The following DMD variants were observed in gnomAD, a reference collection of about 807,000 sequenced individuals.
DMD encodes mutant dystrophin.
A neutral mutation model predicts 330.1 loss-of-function variants in DMD; 63 were observed. The observed-to-expected ratio is 0.19, with a 90% CI of 0.16 to 0.24. The LOEUF is 0.24. Among genes scored for constraint, DMD ranks in the 10% least tolerant of loss-of-function variants. The pLI, the probability that DMD is intolerant of heterozygous loss-of-function variation, is 1.00. For missense variants in DMD, 3,344 were observed against 2,684.1 expected (o/e 1.25, Z -5.43); for synonymous variants, 1,223 against 959.8 (o/e 1.27, Z -5.07).
At chrX:32,646,012 G>C (rs2059760727) in intron 9 of DMD, among the ~76,000 whole-genome samples, 2 of 111,701 alleles carry the variant, frequency 1.8e-5, no homozygotes, top group Admixed American at 1.9e-4. Flanking sequence ...GTAAGAGCAA[G>C]CAAGGAGGTC....
At chrX:31,492,326 T>C (rs779298544) in intron 57 of DMD, among the ~76,000 whole-genome samples, 1 of 112,140 alleles carries the variant, frequency 8.9e-6, no homozygotes, top group South Asian at 3.7e-4. Flanking sequence ...GTTTCAAGGA[T>C]TTTCCATTGT....
intron 43 of DMD, among the ~76,000 whole-genome samples, chrX:32,270,099 T>A (rs1427720757): frequency 1.8e-5 from 2 of 112,226 alleles, no homozygotes; most frequent in African/African-American, 6.5e-5. Flanking sequence ...GCTGTGATAG[T>A]CAGCTTATGG....
chrX:32,970,383 G>C (rs1187851684), intron 2 of DMD, among the ~76,000 whole-genome samples: 2 of 94,152 alleles, frequency 2.1e-5, no homozygotes, highest in Admixed American at 2.1e-4. Flanking sequence ...TCCATGATGT[G>C]ATTATTTCAC....
In DMD at chrX:32,365,088, G is replaced by A; in HGVS notation, c.4957C>T (p.Leu1653Phe). 8.3e-7 allele frequency: 1 copy of A among 1,210,819 alleles called. No individual in the cohort carries two copies. The highest frequency in any genetic ancestry group is 1.1e-6 in the Non-Finnish European group (1 of 895,121). ...ATCCAGTTACTATTCAGAAGACTGA[G>A]TTTATCTTCCACCAACGTCTCCTTC... Reference protein sequence around the residue: ...GKKETLVEDKLSLLNSNWIAV... With the variant: ...GKKETLVEDKFSLLNSNWIAV... Residue 1653 changes from leucine (L) to phenylalanine (F), a missense_variant, in exon 35 of 79, where the codon CTC becomes TTC. Coordinates refer to ENST00000357033, the MANE Select transcript of DMD (RefSeq NM_004006.3).
At chrX:32,491,995 G>C (rs1472624463) in intron 19 of DMD, among the ~76,000 whole-genome samples, 1 of 110,779 alleles carries the variant, frequency 9.0e-6, no homozygotes, top group African/African-American at 3.3e-5. Flanking sequence ...TTTAAAAAGA[G>C]GAAAAAAAAT....
intron 13 of DMD, among the ~76,000 whole-genome samples, chrX:32,575,731 G>T (rs184164432): frequency 1.6e-3 from 182 of 111,905 alleles, no homozygotes; most frequent in African/African-American, 5.5e-3. Flanking sequence ...TATCTCTTAA[G>T]TATAAACTAC....
At chrX:31,227,464 G>T (rs1481536843) in intron 63 of DMD, among the ~76,000 whole-genome samples, 1 of 111,624 alleles carries the variant, frequency 9.0e-6, no homozygotes, top group Non-Finnish European at 1.9e-5. Flanking sequence ...TCTGCTACCA[G>T]TTTTCCACGC....
intron 45 of DMD, among the ~76,000 whole-genome samples, chrX:31,962,728 A>G (rs2095317653): frequency 1.8e-5 from 2 of 112,037 alleles, no homozygotes; most frequent in Admixed American, 9.5e-5. Context: ...AAAATACTGC[A>G]TGCATTCAGG....
chrX:32,136,485 C>T (rs1202541971), intron 44 of DMD, among the ~76,000 whole-genome samples: 1 of 112,046 alleles, frequency 8.9e-6, no homozygotes, highest in Non-Finnish European at 1.9e-5. Flanking sequence ...CAGCCGAAGT[C>T]AATCTACAAA....
At chrX:31,190,761 C>T (rs2042264657) in intron 67 of DMD, among the ~76,000 whole-genome samples, 1 of 109,901 alleles carries the variant, frequency 9.1e-6, no homozygotes, top group Admixed American at 9.7e-5. Context: ...GTTGAGAAAC[C>T]CTGCCCCAAT....
At chrX:31,833,329 A>AGG (rs1211212295) in intron 49 of DMD, among the ~76,000 whole-genome samples, 24 of 46,234 alleles carry the variant, frequency 5.2e-4, no homozygotes, top group African/African-American at 2.1e-3. Flanking sequence ...AGAGAGGGAG[A>AGG]GAGGGAGAGA....
chrX:31,136,523 G>T (rs2147803046), intron 76 of DMD, among the ~76,000 whole-genome samples: 1 of 111,891 alleles, frequency 8.9e-6, no homozygotes, highest in South Asian at 3.8e-4. Context: ...ATTTTTAATG[G>T]CAGTAAGTCC....
chrX:32,293,752 G>A (rs2097483670), intron 42 of DMD, among the ~76,000 whole-genome samples: 1 of 111,412 alleles, frequency 9.0e-6, no homozygotes, highest in African/African-American at 3.3e-5. Flanking sequence ...GGGTGATGGG[G>A]TCATTCATAT....
chrX:32,224,328 T>C (rs1255617293), intron 43 of DMD, among the ~76,000 whole-genome samples: 2 of 111,594 alleles, frequency 1.8e-5, no homozygotes, highest in Non-Finnish European at 1.9e-5. Context: ...GTAAAAGCTT[T>C]ATCAATTTGT....
In DMD at chrX:32,595,711, G is replaced by T. The variant is rs778062276; in HGVS notation, c.1602+46C>A. On this transcript the variant is annotated intron_variant, in intron 13 of 78. Coordinates refer to ENST00000357033, the MANE Select transcript of DMD (RefSeq NM_004006.3). ...TTTTTAAAATACTTTTCAAGTTATA[G>T]TTCTTTTAAAGGACATATTTAGTTT... The T allele has an allele frequency of 3.4e-6, 4 of 1,165,433 alleles. No homozygotes were observed. The African/African-American group carries it at 5.3e-5, about 16-fold the overall frequency.
intron 7 of DMD, among the ~76,000 whole-genome samples, chrX:32,774,136 G>T (rs184333710): frequency 3.6e-5 from 4 of 112,103 alleles, no homozygotes; most frequent in Admixed American, 9.5e-5. Flanking sequence ...AGGAGAAATG[G>T]CCTGCTAAAG....
intron 47 of DMD, among the ~76,000 whole-genome samples, chrX:31,913,393 G>T (rs1431070458): frequency 1.8e-5 from 2 of 111,132 alleles, no homozygotes; most frequent in Non-Finnish European, 3.8e-5. Context: ...ATTCTACATT[G>T]GCTATACCAG....
intron 12 of DMD, among the ~76,000 whole-genome samples, chrX:32,608,438 T>C (rs1450246828): frequency 9.1e-6 from 1 of 110,484 alleles, no homozygotes; most frequent in African/African-American, 3.3e-5. Context: ...TCATAGTCAA[T>C]GGTTTAGCAC....
chrX:31,785,439 G>A (rs1215630361), intron 50 of DMD, among the ~76,000 whole-genome samples: 1 of 111,953 alleles, frequency 8.9e-6, no homozygotes, highest in Non-Finnish European at 1.9e-5. Context: ...TGTATTATGT[G>A]GGTTTTGTTT....
Sources: gnomAD v4.1 joint callset for allele counts (sites outside exome capture counted in the v4.1 genomes callset) on GRCh38, gnomAD v4.1.1 for gene constraint, MANE v1.5 for transcripts, NCBI Gene and HGNC (gene_info 2026-07-23, HGNC 2026-07-21) for gene names.